C19orf47: variants seen among roughly 807,000 people sequenced by gnomAD.
C19orf47 encodes the protein chromosome 19 open reading frame 47.
In C19orf47, 18 loss-of-function variants were observed where a neutral mutation model predicts 32.3. The ratio of observed to expected loss-of-function variants is 0.56; its 90% CI spans 0.39 to 0.83. C19orf47 has a LOEUF of 0.83. Among genes scored for constraint, C19orf47 ranks in the 40% least tolerant of loss-of-function variants. The pLI is 0.00. For synonymous variants in C19orf47, 202 were observed against 211.1 expected, an observed-to-expected ratio of 0.96 and a Z score of 0.37; for missense variants, 484 against 531.6, an observed-to-expected ratio of 0.91 and a Z score of 0.88.
chr19:40,334,220 G>C (rs1268029341), intron 4 of C19orf47, among the ~76,000 whole-genome samples: 1 of 151,726 alleles, frequency 6.6e-6, no homozygotes, highest in Non-Finnish European at 1.5e-5. Context: ...AGGCCGAAGC[G>C]GGTGGATCAC....
the C19orf47 span, among the ~76,000 whole-genome samples, chr19:40,301,517 T>G: frequency 2.0e-5 from 3 of 151,260 alleles, no homozygotes; most frequent in Admixed American, 6.6e-5. Context: ...AATTTTTGTA[T>G]TTTTGGTAGA....
intron 2 of C19orf47, among the ~76,000 whole-genome samples, chr19:40,337,731 C>T (rs2078093806): frequency 6.6e-6 from 1 of 152,168 alleles, no homozygotes; most frequent in African/African-American, 2.4e-5. Flanking sequence ...AGGTGAAACT[C>T]CATGGGCCAC....
chr19:40,306,151 CAAAA>C, the C19orf47 span, among the ~76,000 whole-genome samples: 3 of 53,880 alleles, frequency 5.6e-5, no homozygotes, highest in East Asian at 5.9e-4. Context: ...AACTCTGTCT[CAAAA>C]AAAAAAAAAA....
chr19:40,296,323 C>T, the C19orf47 span, among the ~76,000 whole-genome samples: 1 of 152,032 alleles, frequency 6.6e-6, no homozygotes, highest in African/African-American at 2.4e-5. Context: ...GCTCTGTCGC[C>T]CAGGCTGGAG....
chr19:40,303,287 G>C, the C19orf47 span, among the ~76,000 whole-genome samples: 1 of 151,906 alleles, frequency 6.6e-6, no homozygotes, highest in East Asian at 1.9e-4. Context: ...ACTTTGGGAG[G>C]CCGAGGTGGG....
intron 1 of C19orf47, among the ~76,000 whole-genome samples, chr19:40,346,518 A>T (rs1386735378): frequency 1.3e-5 from 2 of 149,006 alleles, no homozygotes; most frequent in African/African-American, 2.4e-5. Context: ...TCTTAAAAAA[A>T]AAAAAAGAGG....
the C19orf47 span, among the ~76,000 whole-genome samples, chr19:40,296,292 A>AT: frequency 7.1e-6 from 1 of 140,580 alleles, no homozygotes; most frequent in Non-Finnish European, 1.5e-5. Flanking sequence ...GTTTGTTTTT[A>AT]TTTTTTTGAG....
chr19:40,345,536 TAAAAAAAA>T (rs55954294), intron 1 of C19orf47, among the ~76,000 whole-genome samples: 8 of 110,848 alleles, frequency 7.2e-5, no homozygotes, highest in Non-Finnish European at 1.4e-4. Context: ...CTGTCACTGT[TAAAAAAAA>T]AAAAAAAAAA....
intron 2 of C19orf47, among the ~76,000 whole-genome samples, chr19:40,338,680 G>A (rs1488481265): frequency 6.6e-6 from 1 of 152,052 alleles, no homozygotes; most frequent in Non-Finnish European, 1.5e-5. Flanking sequence ...ACCGCCCCCG[G>A]CATTTTTTTG....
At chr19:40,328,867 T>G (rs2077891063) in intron 5 of C19orf47, among the ~76,000 whole-genome samples, 1 of 152,088 alleles carries the variant, frequency 6.6e-6, no homozygotes, top group South Asian at 2.1e-4. Context: ...CGGAGCTGCT[T>G]CAGCCATGCT....
rs2077716604 is a variant in C19orf47 at position 40,321,466 on chromosome 19, G to A, written c.*416C>T. ...GTGAGGGAGGTCAGTGGGGAGTGGGGGAAGGGAGGCCCACCAGGTGACACC... is the reference window on the plus strand; with the variant it reads ...GTGAGGGAGGTCAGTGGGGAGTGGGAGAAGGGAGGCCCACCAGGTGACACC... On this transcript the variant is annotated 3_prime_UTR_variant, in exon 9 of 9. Coordinates refer to ENST00000683109, the MANE Select transcript of C19orf47 (RefSeq NM_001256441.2). 4.9e-6 allele frequency: 5 copies of A among 1,012,354 alleles called. No individual in the cohort carries two copies. The highest frequency in any genetic ancestry group is 5.9e-6 in the Non-Finnish European group (5 of 846,396). 62.7% of individuals were successfully genotyped at this position (1,012,354 alleles called of 1,614,324 possible). A position where few individuals can be genotyped will look rare whatever the true frequency, so the allele number is the denominator to read the frequency against.
intron 2 of C19orf47, among the ~76,000 whole-genome samples, chr19:40,339,989 A>C (rs1179962509): frequency 2.0e-5 from 3 of 151,842 alleles, no homozygotes; most frequent in African/African-American, 7.3e-5. Context: ...ACAAAAAAAA[A>C]AAAAAACAAA....
chr19:40,327,313 CT>C (rs753817564), intron 6 of C19orf47, among the ~76,000 whole-genome samples: 3,553 of 138,950 alleles, frequency 0.026, 79 homozygotes, highest in Admixed American at 0.072. Context: ...CCCGCCCAGC[CT>C]TTTTTTTTTT....
At chr19:40,310,015 G>A in the C19orf47 span, among the ~76,000 whole-genome samples, 5 of 152,040 alleles carry the variant, frequency 3.3e-5, no homozygotes, top group East Asian at 7.7e-4. Context: ...CTACTGCTAG[G>A]GTATATACCC....
At chr19:40,318,200 ATAG>A (rs2077676099), downstream of C19orf47, among the ~76,000 whole-genome samples, 1 of 152,286 alleles carries the variant, frequency 6.6e-6, no homozygotes, top group Middle Eastern at 3.4e-3. Flanking sequence ...CATAGGGTAC[ATAG>A]TGAGACCTCG....
At position 40,321,530 on chromosome 19, in the gene C19orf47, G is replaced by T; in HGVS notation, c.*352C>A. On this transcript the variant is annotated 3_prime_UTR_variant, in exon 9 of 9. Coordinates refer to ENST00000683109, the MANE Select transcript of C19orf47 (RefSeq NM_001256441.2). ...GGGACAGGGAGGCTGATGAGCTGGG[G>T]TCTGAGGCAGCAGACCCTGCTCAGG... The T allele has an allele frequency of 9.4e-7, 1 of 1,060,698 alleles. No homozygotes were observed. The highest frequency in any genetic ancestry group is 1.1e-6 in the Non-Finnish European group (1 of 876,358). The allele number at this position is 1,060,698 out of a possible 1,614,324, so 65.7% of individuals were successfully genotyped here.
downstream of C19orf47, among the ~76,000 whole-genome samples, chr19:40,318,043 C>T (rs949216041): frequency 4.6e-5 from 7 of 151,996 alleles, no homozygotes; most frequent in African/African-American, 9.7e-5. Flanking sequence ...TTAAGACCTC[C>T]GCCTTGACCC....
the C19orf47 span, among the ~76,000 whole-genome samples, chr19:40,310,518 AT>A: frequency 6.6e-6 from 1 of 152,168 alleles, no homozygotes; most frequent in East Asian, 1.9e-4. Context: ...ACCTGAGGTG[AT>A]CCGCCCACCT....
chr19:40,324,205 G>A, intron 7 of C19orf47, 129 bp from the exon 8 acceptor site: 1 of 877,452 alleles, frequency 1.1e-6, no homozygotes, highest in Admixed American at 1.9e-5. Flanking sequence ...GTGCTGAGTT[G>A]GGTGTTATGT....
Sources: gnomAD v4.1 joint callset for allele counts (sites outside exome capture counted in the v4.1 genomes callset) on GRCh38, gnomAD v4.1.1 for gene constraint, MANE v1.5 for transcripts, NCBI Gene and HGNC (gene_info 2026-07-23, HGNC 2026-07-21) for gene names.